The following NCOA2 variants were observed in gnomAD, a reference collection of about 807,000 sequenced individuals.
NCOA2 encodes nuclear receptor coactivator 2.
In NCOA2, 21 loss-of-function variants were observed where a neutral mutation model predicts 145.1. The ratio of observed to expected loss-of-function variants is 0.14; its 90% CI spans 0.10 to 0.21. NCOA2 has a LOEUF of 0.21. Among genes scored for constraint, NCOA2 ranks in the 10% least tolerant of loss-of-function variants. The pLI is 1.00. For missense variants in NCOA2, 1,472 were observed against 1,837.6 expected (o/e 0.80, Z 3.64); for synonymous variants, 619 against 637.5 (o/e 0.97, Z 0.44).
At chr8:70,330,168 G>T (rs529949682) in intron 1 of NCOA2, among the ~76,000 whole-genome samples, 10 of 151,382 alleles carry the variant, frequency 6.6e-5, no homozygotes, top group Admixed American at 6.6e-4. Context: ...TTTGACACAG[G>T]ATATGAAGAT....
chr8:70,386,629 G>A (rs1812694915), intron 1 of NCOA2, among the ~76,000 whole-genome samples: 1 of 152,146 alleles, frequency 6.6e-6, no homozygotes, highest in Non-Finnish European at 1.5e-5. Context: ...GATAATTCTA[G>A]AATGTAAAGA....
Position 70,124,785 on chromosome 8 carries a change from T to C in NCOA2, c.3997A>G (p.Thr1333Ala), listed in dbSNP as rs1283222804. Residue 1333 changes from threonine (T) to alanine (A), a missense_variant, in exon 20 of 23, where the codon ACA becomes GCA. Transcript: ENST00000452400. Reference protein sequence around the residue: ...SPLMSPRMAHTQSPMMQQSQA... With the variant: ...SPLMSPRMAHAQSPMMQQSQA... ...GACTGTTGCATCATGGGACTCTGTG[T>C]ATGTGCCATTCGGGGTGACATAAGT... is the stretch of plus-strand genomic sequence containing the variant. The C allele has an allele frequency of 6.2e-7, 1 of 1,613,602 alleles. No individual in the cohort carries two copies. Among genetic ancestry groups the C allele is most frequent in the Non-Finnish European group, 8.5e-7 (1 of 1,179,810 alleles).
intron 11 of NCOA2, among the ~76,000 whole-genome samples, chr8:70,151,861 A>G (rs1380239834): frequency 6.6e-6 from 1 of 152,142 alleles, no homozygotes; most frequent in Non-Finnish European, 1.5e-5. Flanking sequence ...TATACCCCTC[A>G]GGTTAACAGT....
At chr8:70,271,844 A>G (rs543383375) in intron 2 of NCOA2, among the ~76,000 whole-genome samples, 1 of 152,300 alleles carries the variant, frequency 6.6e-6, no homozygotes, top group African/African-American at 2.4e-5. Flanking sequence ...TCTACACATT[A>G]AACTAACAGG....
chr8:70,174,911 G>A (rs1467133732), intron 4 of NCOA2, 52 bp from the exon 5 acceptor site: 4 of 1,492,778 alleles, frequency 2.7e-6, no homozygotes, highest in African/African-American at 2.8e-5. Context: ...CAAGGACAGA[G>A]TGACACAGAA....
At chr8:70,183,900 A>C (rs1368090308) in intron 4 of NCOA2, among the ~76,000 whole-genome samples, 2 of 152,334 alleles carry the variant, frequency 1.3e-5, no homozygotes, top group Admixed American at 1.3e-4. Context: ...TGTTGTGTTA[A>C]TACTGAACAC....
chr8:70,268,907 A>G (rs1315402889), intron 2 of NCOA2, among the ~76,000 whole-genome samples: 1 of 152,188 alleles, frequency 6.6e-6, no homozygotes, highest in Non-Finnish European at 1.5e-5. Context: ...AAAATTATAA[A>G]CACAACTTTC....
chr8:70,164,540 C>T (rs2132474846), intron 7 of NCOA2, among the ~76,000 whole-genome samples: 1 of 152,216 alleles, frequency 6.6e-6, no homozygotes, highest in South Asian at 2.1e-4. Context: ...GGTATTCATG[C>T]TGTAAGGCGG....
intron 2 of NCOA2, among the ~76,000 whole-genome samples, chr8:70,224,867 G>A (rs1339622528): frequency 6.6e-6 from 1 of 151,918 alleles, no homozygotes. Flanking sequence ...CTGGCTCTTG[G>A]TAGGCATACA....
At chr8:70,155,512 G>GT (rs776128388) in intron 11 of NCOA2, among the ~76,000 whole-genome samples, 5 of 152,212 alleles carry the variant, frequency 3.3e-5, no homozygotes, top group Admixed American at 1.3e-4. Flanking sequence ...TCTTGTTTTT[G>GT]TATGAGCTAA....
In NCOA2 at chr8:70,304,918, G is replaced by A. The variant is rs766643850; in HGVS notation, c.-76-8118C>T. Among the ~76,000 whole-genome samples the A allele has an allele frequency of 4.0e-5, 6 of 149,098 alleles. No homozygotes were observed. The South Asian group carries it at 6.3e-4, about 16-fold the overall frequency. ...ATTGCTCAGGCTGGAGTGCTGTGGT[G>A]CAACCACAGCTCACTGCAGCCTCGA... On this transcript the variant is annotated intron_variant, in intron 1 of 22. Coordinates refer to ENST00000452400, the MANE Select transcript of NCOA2 (RefSeq NM_006540.4).
chr8:70,211,181 T>A (rs770821024), intron 4 of NCOA2, among the ~76,000 whole-genome samples: 2 of 152,074 alleles, frequency 1.3e-5, no homozygotes, highest in Non-Finnish European at 2.9e-5. Context: ...TACAAATAGG[T>A]CAGGCACAGT....
chr8:70,225,961 G>A (rs868459510), intron 2 of NCOA2, among the ~76,000 whole-genome samples: 1 of 151,938 alleles, frequency 6.6e-6, no homozygotes, highest in African/African-American at 2.4e-5. Flanking sequence ...AAATGTTAAG[G>A]GCACAGAAGA....
At chr8:70,248,813 G>C (rs1822842550) in intron 2 of NCOA2, among the ~76,000 whole-genome samples, 2 of 150,854 alleles carry the variant, frequency 1.3e-5, no homozygotes, top group South Asian at 4.2e-4. Context: ...AGTATTTTCT[G>C]AGGTTGGCCG....
intron 2 of NCOA2, among the ~76,000 whole-genome samples, chr8:70,255,866 C>A (rs1290874595): frequency 9.2e-6 from 1 of 109,162 alleles, no homozygotes; most frequent in Non-Finnish European, 2.0e-5. Context: ...AGTAGAACCT[C>A]TGCTAATGGA....
At chr8:70,439,019 G>A in the NCOA2 span, among the ~76,000 whole-genome samples, 1 of 152,160 alleles carries the variant, frequency 6.6e-6, no homozygotes, top group Non-Finnish European at 1.5e-5. Flanking sequence ...GTTATCCTTA[G>A]GGAAAATTGG....
the NCOA2 span, among the ~76,000 whole-genome samples, chr8:70,410,929 A>G: frequency 6.6e-6 from 1 of 152,098 alleles, no homozygotes; most frequent in South Asian, 2.1e-4. Context: ...GGGAAGACAG[A>G]ATTTTGGAGG....
At chr8:70,116,746 A>T (rs1056203879) in intron 22 of NCOA2, among the ~76,000 whole-genome samples, 6 of 152,218 alleles carry the variant, frequency 3.9e-5, no homozygotes, top group Non-Finnish European at 7.3e-5. Context: ...ATGAGTCTCT[A>T]TGACGGACTG....
the NCOA2 span, among the ~76,000 whole-genome samples, chr8:70,428,565 G>A: frequency 5.3e-5 from 8 of 152,118 alleles, no homozygotes; most frequent in South Asian, 2.1e-4. Context: ...TCAAGGCTGC[G>A]GTGAGCTGGG....
Sources: allele counts gnomAD v4.1 joint callset (sites outside exome capture counted in the v4.1 genomes callset), GRCh38; gene constraint gnomAD v4.1.1; transcripts MANE v1.5; gene names NCBI Gene and HGNC (gene_info 2026-07-23, HGNC 2026-07-21).